FN1: variants seen among roughly 807,000 people sequenced by gnomAD.
FN1 encodes the protein fibronectin 1.
A neutral mutation model predicts 297.3 loss-of-function variants in FN1; 106 were observed. That is an observed-to-expected ratio of 0.36 (90% CI 0.30 to 0.42). FN1 has a LOEUF of 0.42. Among genes scored for constraint, FN1 ranks in the 10% least tolerant of loss-of-function variants. The pLI, the probability that FN1 is intolerant of heterozygous loss-of-function variation, is 1.00. For missense variants in FN1, 2,690 were observed against 3,124.9 expected (o/e 0.86, Z 3.32); for synonymous variants, 1,149 against 1,152.6 (o/e 1.00, Z 0.06).
chr2:215,426,525 T>C (rs945400135), intron 6 of FN1, among the ~76,000 whole-genome samples: 2 of 152,012 alleles, frequency 1.3e-5, no homozygotes, highest in African/African-American at 4.8e-5. Context: ...GGGCTGAGGC[T>C]AGACCAAAGG....
chr2:215,430,779 G>A lies in FN1; in HGVS notation c.621C>T (p.Gly207=). 1.2e-6 allele frequency: 2 copies of A among 1,614,088 alleles called. No individual in the cohort carries two copies. Among genetic ancestry groups the A allele is most frequent in the Non-Finnish European group, 1.7e-6 (2 of 1,179,942 alleles). The change falls in exon 5 of 46, where the codon GGC becomes GGT. Residue 207 remains glycine (G), a synonymous_variant. Transcript: ENST00000354785. The stretch of plus-strand genomic sequence containing the variant: ...GGCAAGTACAATCTACCATCATCCA[G>A]CCTTGGTAGGGCTTCTCCCACGTTT... The part of the protein sequence containing the change: ...VGETWEKPYQ[G]WMMVDCTCLG...
intron 12 of FN1, among the ~76,000 whole-genome samples, chr2:215,417,057 T>C (rs1166625937): frequency 6.6e-6 from 1 of 152,246 alleles, no homozygotes; most frequent in Admixed American, 6.5e-5. Flanking sequence ...TCCTATATTC[T>C]AGCTTATACT....
chr2:215,380,778 C>T (rs1285292884), intron 33 of FN1, 33 bp downstream of exon 33: 6 of 1,611,304 alleles, frequency 3.7e-6, no homozygotes, highest in Non-Finnish European at 5.1e-6. Flanking sequence ...CCGCTGCTCC[C>T]ATGGGCACCT....
chr2:215,402,759 A>C (rs528837835), intron 20 of FN1, among the ~76,000 whole-genome samples: 50 of 152,326 alleles, frequency 3.3e-4, no homozygotes, highest in African/African-American at 1.2e-3. Flanking sequence ...ACCTTTATCT[A>C]ATAAAATTAG....
chr2:215,373,288 A>G lies in FN1; in HGVS notation c.6247+34T>C, dbSNP rs780624156. On this transcript the variant is annotated intron_variant, in intron 39 of 45. Transcript: ENST00000354785. ...GCTCATTTGTTATTAGTTTTGTCCT[A>G]TCTTTCTCCTTGTTACCTGCAAGAT... is the stretch of plus-strand genomic sequence containing the variant. The G allele has an allele frequency of 3.9e-6, 6 of 1,531,122 alleles. No homozygotes were observed. The Admixed American group carries it at 6.7e-5, about 17-fold the overall frequency. The allele number at this position is 1,531,122 out of a possible 1,614,324, so 94.8% of individuals were successfully genotyped here.
intron 18 of FN1, 70 bp from the exon 19 acceptor site, chr2:215,406,580 G>C (rs2061802946): frequency 4.0e-6 from 6 of 1,498,882 alleles, no homozygotes; most frequent in Non-Finnish European, 5.5e-6. Context: ...CCAGTTTCTT[G>C]GATATGTTAG....
chr2:215,366,919 T>A (rs2054747620), intron 42 of FN1, among the ~76,000 whole-genome samples: 1 of 152,240 alleles, frequency 6.6e-6, no homozygotes, highest in South Asian at 2.1e-4. Context: ...GTTTTTAGTG[T>A]TTTTCATTTT....
intron 6 of FN1, among the ~76,000 whole-genome samples, chr2:215,425,544 T>G (rs1270252728): frequency 6.6e-6 from 1 of 152,162 alleles, no homozygotes; most frequent in African/African-American, 2.4e-5. Context: ...TTTGTTTGTT[T>G]GTTTTTTGGT....
intron 12 of FN1, among the ~76,000 whole-genome samples, chr2:215,416,896 C>G (rs6731557): frequency 0.27 from 41,526 of 152,096 alleles, 6,068 homozygotes; most frequent in Non-Finnish European, 0.3. Context: ...CATAAGATTT[C>G]GAGCACTGGT....
chr2:215,401,243 A>AAGGAAGG (rs1559475433), intron 20 of FN1, among the ~76,000 whole-genome samples: 2 of 66,812 alleles, frequency 3.0e-5, no homozygotes, highest in African/African-American at 1.1e-4. Context: ...AGAAAGAAAG[A>AAGGAAGG]AAGAAAGGAA....
chr2:215,393,331 T>C (rs1360203632), intron 24 of FN1, 128 bp from the exon 25 acceptor site: 2 of 821,016 alleles, frequency 2.4e-6, no homozygotes, highest in African/African-American at 3.5e-5. Flanking sequence ...GCAATGATGG[T>C]AATATGCAAT....
At chr2:215,401,246 G>GAAAAAAAA (rs1559475621) in intron 20 of FN1, among the ~76,000 whole-genome samples, 2 of 63,416 alleles carry the variant, frequency 3.2e-5, no homozygotes, top group African/African-American at 1.3e-4. Context: ...AAGAAAGAAA[G>GAAAAAAAA]AAAGGAAGAA....
chr2:215,422,137 C>G lies in FN1; in HGVS notation c.1500G>C (p.Gly500=), dbSNP rs752608828. The change falls in exon 10 of 46, where the codon GGG becomes GGC. Residue 500 remains glycine, a synonymous_variant. Transcript: ENST00000354785. The stretch of plus-strand genomic sequence containing the variant: ...TGCATGTCCATTCCCCACGACCATT[C>G]CCAACACACGTGCACCTCATCATGT... ...MGHMMRCTCV[G]NGRGEWTCIA... 6.2e-7 allele frequency: 1 copy of G among 1,614,212 alleles called. No individual in the cohort carries two copies. Among genetic ancestry groups the G allele is most frequent in the South Asian group, 1.1e-5 (1 of 91,084 alleles).
At chr2:215,399,915 C>T (rs970858321) in intron 20 of FN1, among the ~76,000 whole-genome samples, 2 of 152,064 alleles carry the variant, frequency 1.3e-5, no homozygotes, top group African/African-American at 2.4e-5. Flanking sequence ...GGGCGGGGAT[C>T]GGTGGCTCAT....
chr2:215,424,888 A>T (rs1287169771), intron 7 of FN1, among the ~76,000 whole-genome samples: 1 of 152,228 alleles, frequency 6.6e-6, no homozygotes, highest in African/African-American at 2.4e-5. Context: ...TAAAATTTTT[A>T]CCCATGATAT....
intron 4 of FN1, among the ~76,000 whole-genome samples, chr2:215,431,322 A>C (rs904331363): frequency 6.6e-6 from 1 of 152,266 alleles, no homozygotes; most frequent in Non-Finnish European, 1.5e-5. Context: ...ACAAGTAAAC[A>C]GAGTAAAATT....
At position 215,370,353 on chromosome 2, in the gene FN1, G is replaced by T; in HGVS notation, c.6794C>A (p.Ala2265Glu). 2 of 1,613,876 alleles carry T rather than the reference G, an allele frequency of 1.2e-6. No individual in the cohort carries two copies. Among genetic ancestry groups the T allele is most frequent in the Non-Finnish European group, 1.7e-6 (2 of 1,179,960 alleles). Reference sequence around the variant, plus strand: ...CTTATGCCTCTGCTGGTCTTTCAGTGCCTCCACTATGACGTTGTAGGTGGC... The same window carrying T: ...CTTATGCCTCTGCTGGTCTTTCAGTTCCTCCACTATGACGTTGTAGGTGGC... ...RGATYNVIVE[A>E]LKDQQRHKVR... The change falls in exon 41 of 46, where the codon GCA becomes GAA. Residue 2265 changes from alanine (A) to glutamate (E), a missense_variant. This residue lies in a region of FN1 where 1,743 missense variants were observed against 1,945.2 expected (regional missense o/e 0.90). Transcript: ENST00000354785.
intron 40 of FN1, among the ~76,000 whole-genome samples, chr2:215,371,362 GTTTT>G (rs34947596): frequency 1.4e-4 from 20 of 146,710 alleles, no homozygotes; most frequent in Non-Finnish European, 2.6e-4. Context: ...AGCTTCGCCT[GTTTT>G]TTTTTTTCTT....
In FN1 at chr2:215,420,767, C is replaced by G; in HGVS notation, c.1581G>C (p.Val527=). The change falls in exon 11 of 46, where the codon GTG becomes GTC. Residue 527 remains valine (V), a synonymous_variant. Coordinates refer to ENST00000354785, the MANE Select transcript of FN1 (RefSeq NM_212482.4). The part of the protein sequence containing the change: ...QCIVDDITYN[V]NDTFHKRHEE... Reference sequence around the variant, plus strand: ...CATGACGCTTGTGGAATGTGTCGTTCACATTGTAAGTGATGTCATCAACAA... The same window carrying G: ...CATGACGCTTGTGGAATGTGTCGTTGACATTGTAAGTGATGTCATCAACAA... 1 of 1,614,022 alleles carries G rather than the reference C, an allele frequency of 6.2e-7. No individual in the cohort carries two copies. The highest frequency in any genetic ancestry group is 8.5e-7 in the Non-Finnish European group (1 of 1,179,936).
Sources: gnomAD v4.1 joint callset for allele counts (sites outside exome capture counted in the v4.1 genomes callset) on GRCh38, gnomAD v4.1.1 for gene constraint, gnomAD v4.1.1 regional missense constraint, MANE v1.5 for transcripts, NCBI Gene and HGNC (gene_info 2026-07-23, HGNC 2026-07-21) for gene names.